Variants in ST8SIA1 observed in about 807,000 individuals in gnomAD.
The protein encoded by ST8SIA1 is ST8 alpha-N-acetyl-neuraminide alpha-2,8-sialyltransferase 1.
In ST8SIA1, 16 loss-of-function variants were observed where a neutral mutation model predicts 35.9. The observed-to-expected ratio is 0.45, with a 90% confidence interval of 0.30 to 0.68. ST8SIA1 has a LOEUF of 0.68. ST8SIA1 is among the 30% of genes least tolerant of loss of function. ST8SIA1 has a pLI of 0.09. For missense variants in ST8SIA1, 383 were observed against 453.6 expected (o/e 0.84, Z 1.41); for synonymous variants, 170 against 169.6 (o/e 1.00, Z -0.02).
At chr12:22,222,685 T>A (rs1865313161) in intron 4 of ST8SIA1, among the ~76,000 whole-genome samples, 2 of 152,016 alleles carry the variant, frequency 1.3e-5, no homozygotes, top group Non-Finnish European at 2.9e-5. Context: ...TTTTGTTTTC[T>A]TTGGAAGCAA....
intron 2 of ST8SIA1, among the ~76,000 whole-genome samples, chr12:22,256,439 C>T (rs1342737799): frequency 2.0e-5 from 3 of 152,196 alleles, no homozygotes; most frequent in South Asian, 2.1e-4. Context: ...CTTGCTGAAA[C>T]GACGCAGAGC....
rs1866483691 is a variant in ST8SIA1 at position 22,313,929 on chromosome 12, T to C, written c.236+20068A>G. The stretch of plus-strand genomic sequence containing the variant: ...TTAAAATGTCTATCTCTTTAAAAAA[T>C]ATTTTGGTTGCATTTGTTCCATGTA... On this transcript the variant is annotated intron_variant, in intron 1 of 4. Transcript: ENST00000396037. 2.6e-5 allele frequency among the ~76,000 whole-genome samples: 4 copies of C among 152,176 alleles called. No individual in the cohort carries two copies. In the South Asian group the frequency reaches 8.3e-4, roughly 32 times the overall value.
chr12:22,321,203 T>C (rs899423665), intron 1 of ST8SIA1, among the ~76,000 whole-genome samples: 1 of 151,978 alleles, frequency 6.6e-6, no homozygotes, highest in African/African-American at 2.4e-5. Context: ...GAAAGATAGA[T>C]GGTGAGGCTG....
intron 3 of ST8SIA1, among the ~76,000 whole-genome samples, chr12:22,254,452 T>C (rs774265152): frequency 3.9e-5 from 6 of 152,162 alleles, no homozygotes; most frequent in Non-Finnish European, 7.3e-5. Context: ...CCAGCCCTGA[T>C]TTCAAGGTGT....
At chr12:22,299,573 A>AT (rs1404924349) in intron 1 of ST8SIA1, among the ~76,000 whole-genome samples, 3 of 152,138 alleles carry the variant, frequency 2.0e-5, no homozygotes, top group Non-Finnish European at 2.9e-5. Context: ...TATTAAAAAA[A>AT]TTTTTATATG....
intron 1 of ST8SIA1, among the ~76,000 whole-genome samples, chr12:22,321,544 G>T (rs910852393): frequency 1.3e-5 from 2 of 152,160 alleles, no homozygotes; most frequent in Non-Finnish European, 2.9e-5. Flanking sequence ...AGGCGGAGGT[G>T]GTAGACGCCA....
intron 1 of ST8SIA1, among the ~76,000 whole-genome samples, chr12:22,302,458 T>C (rs1591849756): frequency 6.6e-6 from 1 of 152,196 alleles, no homozygotes; most frequent in East Asian, 1.9e-4. Flanking sequence ...TCTTTTGTTA[T>C]TGTTTTTCTC....
intron 4 of ST8SIA1, among the ~76,000 whole-genome samples, chr12:22,238,373 T>C (rs772863685): frequency 2.4e-4 from 36 of 152,352 alleles, no homozygotes; most frequent in Middle Eastern, 6.8e-3. Flanking sequence ...TCCAACTTTC[T>C]GGAGTCAATC....
At position 22,325,932 on chromosome 12, in the gene ST8SIA1, G is replaced by A. The variant is rs112297515; in HGVS notation, c.236+8065C>T. On this transcript the variant is annotated intron_variant, in intron 1 of 4. Transcript: ENST00000396037. ...CAGCAAGTGTCAACAGTGTGGAGAC[G>A]CTGAACAAAGGGAAGATTCGCATCC... 4,155 of 689,484 alleles carry A rather than the reference G, an allele frequency of 6.0e-3. 112 individuals carry two copies. The African/African-American group carries it at 0.064, about 11-fold the overall frequency. 42.7% of individuals were successfully genotyped at this position (689,484 alleles called of 1,614,324 possible). A position where few individuals can be genotyped will look rare whatever the true frequency, so the allele number is the denominator to read the frequency against.
intron 1 of ST8SIA1, among the ~76,000 whole-genome samples, chr12:22,314,299 A>G (rs1296348351): frequency 6.6e-6 from 1 of 152,170 alleles, no homozygotes; most frequent in African/African-American, 2.4e-5. Context: ...AGGCCAAAAT[A>G]TGTTAACCCA....
chr12:22,316,183 T>C (rs138583581), intron 1 of ST8SIA1, among the ~76,000 whole-genome samples: 15 of 152,310 alleles, frequency 9.8e-5, no homozygotes, highest in African/African-American at 3.6e-4. Context: ...ACAATCTTAA[T>C]TGTATCTGAG....
chr12:22,287,163 A>G lies in ST8SIA1; in HGVS notation c.367T>C (p.Ser123Pro), dbSNP rs762497395. 1 of 1,614,002 alleles carries G rather than the reference A, an allele frequency of 6.2e-7. No individual in the cohort carries two copies. Among genetic ancestry groups the G allele is most frequent in the Non-Finnish European group, 8.5e-7 (1 of 1,179,882 alleles). Residue 123 changes from serine to proline, a missense_variant, in exon 2 of 5, where the codon TCT becomes CCT. Transcript: ENST00000396037. ...TCTATACTAACCTGTGGGAAGAGAG[A>G]GTAAGTTGAATTGTCAATGGTGAAT... Reference protein sequence around the residue: ...YSFTIDNSTYSLFPQATPFQL... With the variant: ...YSFTIDNSTYPLFPQATPFQL...
At chr12:22,270,544 T>C (rs754213255) in intron 2 of ST8SIA1, among the ~76,000 whole-genome samples, 1 of 152,200 alleles carries the variant, frequency 6.6e-6, no homozygotes, top group Non-Finnish European at 1.5e-5. Context: ...AAAATTAAAA[T>C]ACTGAATTAA....
intron 3 of ST8SIA1, among the ~76,000 whole-genome samples, chr12:22,253,805 G>C (rs1336329853): frequency 2.0e-5 from 3 of 152,140 alleles, no homozygotes; most frequent in African/African-American, 7.2e-5. Flanking sequence ...GGTGGGTATA[G>C]AAGGATCTAG....
intron 1 of ST8SIA1, among the ~76,000 whole-genome samples, chr12:22,329,244 T>A (rs369035082): frequency 6.6e-6 from 1 of 152,146 alleles, no homozygotes; most frequent in Non-Finnish European, 1.5e-5. Context: ...TAGCTCCAGG[T>A]TGGAAATCAA....
chr12:22,333,985 G>A lies in ST8SIA1; in HGVS notation c.236+12C>T. 1.2e-6 allele frequency: 2 copies of A among 1,611,694 alleles called. No individual in the cohort carries two copies. The highest frequency in any genetic ancestry group is 1.7e-6 in the Non-Finnish European group (2 of 1,178,266). ...GGACGCTAGAGGGGAGGAGCCGCGA[G>A]GGCAGGAGTACCTGAACGCTCTGGC... is the stretch of plus-strand genomic sequence containing the variant. On this transcript the variant is annotated intron_variant, in intron 1 of 4. Transcript: ENST00000396037.
At chr12:22,308,573 C>A (rs897659128) in intron 1 of ST8SIA1, among the ~76,000 whole-genome samples, 14 of 152,088 alleles carry the variant, frequency 9.2e-5, no homozygotes, top group African/African-American at 3.4e-4. Context: ...ATGATAAAAT[C>A]TCTCTGATTT....
intron 1 of ST8SIA1, chr12:22,325,742 A>G (rs1327498569): frequency 1.6e-6 from 1 of 635,934 alleles, no homozygotes; most frequent in Non-Finnish European, 2.8e-6. Flanking sequence ...AATTAGGCAC[A>G]GTAAGAGATG....
At chr12:22,234,877 C>T (rs111446549) in intron 4 of ST8SIA1, among the ~76,000 whole-genome samples, 1 of 152,170 alleles carries the variant, frequency 6.6e-6, no homozygotes, top group East Asian at 1.9e-4. Context: ...GGTAATTTAA[C>T]CATGTGGGTA....
Sources: allele counts gnomAD v4.1 joint callset (sites outside exome capture counted in the v4.1 genomes callset), GRCh38; gene constraint gnomAD v4.1.1; transcripts MANE v1.5; gene names NCBI Gene and HGNC (gene_info 2026-07-23, HGNC 2026-07-21).